The following TRPM3 variants were observed in gnomAD, a reference collection of about 807,000 sequenced individuals.
TRPM3 encodes transient receptor potential cation channel subfamily M member 3.
A neutral mutation model predicts 181.2 loss-of-function variants in TRPM3; 77 were observed. That is an observed-to-expected ratio of 0.42 (90% CI 0.35 to 0.51). The LOEUF is 0.51. TRPM3 is among the 20% of genes least tolerant of loss of function. TRPM3 has a pLI of 0.01. For missense variants in TRPM3, 1,759 were observed against 2,196.7 expected (o/e 0.80, Z 3.98); for synonymous variants, 745 against 796.4 (o/e 0.94, Z 1.09).
intron 1 of TRPM3, among the ~76,000 whole-genome samples, chr9:71,419,660 A>G (rs2093695820): frequency 6.6e-6 from 1 of 152,030 alleles, no homozygotes; most frequent in African/African-American, 2.4e-5. Flanking sequence ...AAGTTCTGAT[A>G]CAATAATGTG....
intron 1 of TRPM3, among the ~76,000 whole-genome samples, chr9:71,239,240 G>A (rs2081532007): frequency 6.6e-6 from 1 of 152,110 alleles, no homozygotes; most frequent in Non-Finnish European, 1.5e-5. Context: ...TACAATTTTT[G>A]CTGTGTTTTG....
chr9:70,876,670 G>T (rs562067967), intron 1 of TRPM3, among the ~76,000 whole-genome samples: 1 of 151,842 alleles, frequency 6.6e-6, no homozygotes, highest in Admixed American at 6.6e-5. Context: ...CTCATGTAGA[G>T]TTCTAATCTC....
chr9:70,925,968 T>C (rs899410462), intron 1 of TRPM3, among the ~76,000 whole-genome samples: 3 of 145,060 alleles, frequency 2.1e-5, no homozygotes, highest in Non-Finnish European at 3.0e-5. Context: ...CACTCATGAC[T>C]GGAGAAGAAA....
At chr9:71,205,259 T>G (rs998175486) in intron 1 of TRPM3, among the ~76,000 whole-genome samples, 1 of 151,256 alleles carries the variant, frequency 6.6e-6, no homozygotes, top group Non-Finnish European at 1.5e-5. Flanking sequence ...AAAAAAAAAT[T>G]AATCTCATTT....
At chr9:71,020,111 T>C (rs1590704586) in intron 1 of TRPM3, among the ~76,000 whole-genome samples, 1 of 151,820 alleles carries the variant, frequency 6.6e-6, no homozygotes, top group African/African-American at 2.4e-5. Context: ...ATTTCTATAA[T>C]CTTGGGAGAG....
At chr9:71,417,638 A>C (rs1368881421) in intron 1 of TRPM3, among the ~76,000 whole-genome samples, 1 of 152,064 alleles carries the variant, frequency 6.6e-6, no homozygotes, top group East Asian at 1.9e-4. Flanking sequence ...GAATTAATGG[A>C]AACATATCTG....
At chr9:71,107,199 C>T (rs2069841814) in intron 1 of TRPM3, among the ~76,000 whole-genome samples, 3 of 152,190 alleles carry the variant, frequency 2.0e-5, no homozygotes, top group South Asian at 4.1e-4. Flanking sequence ...GCCCACTCCA[C>T]CCACGACGTG....
chr9:70,648,939 G>A (rs2059263950), intron 9 of TRPM3, among the ~76,000 whole-genome samples: 1 of 152,114 alleles, frequency 6.6e-6, no homozygotes, highest in East Asian at 1.9e-4. Flanking sequence ...ACCTGGCACA[G>A]ATTTCATGAC....
At chr9:71,320,701 T>C (rs2089138284) in intron 1 of TRPM3, among the ~76,000 whole-genome samples, 1 of 152,138 alleles carries the variant, frequency 6.6e-6, no homozygotes, top group African/African-American at 2.4e-5. Context: ...AATTGCCACT[T>C]ATACATGGTG....
At chr9:71,067,805 T>C (rs2072533539) in intron 1 of TRPM3, among the ~76,000 whole-genome samples, 2 of 152,190 alleles carry the variant, frequency 1.3e-5, no homozygotes, top group African/African-American at 4.8e-5. Context: ...CTCGGAGATA[T>C]CAATGACCAC....
intron 1 of TRPM3, among the ~76,000 whole-genome samples, chr9:71,010,438 CA>C (rs2097723991): frequency 6.6e-6 from 1 of 151,886 alleles, no homozygotes; most frequent in South Asian, 2.1e-4. Context: ...CCAAATAATC[CA>C]TTTGAAAAAT....
chr9:71,351,477 T>C (rs1212512940), intron 1 of TRPM3, among the ~76,000 whole-genome samples: 1 of 152,240 alleles, frequency 6.6e-6, no homozygotes, highest in Non-Finnish European at 1.5e-5. Flanking sequence ...CGAAACTATA[T>C]ATATGATTAG....
intron 1 of TRPM3, among the ~76,000 whole-genome samples, chr9:71,282,971 G>A (rs2084968232): frequency 6.6e-6 from 1 of 152,108 alleles, no homozygotes; most frequent in Non-Finnish European, 1.5e-5. Context: ...CCTTTCTAGT[G>A]CTTCCCAAGG....
chr9:71,082,474 C>T (rs746430727), intron 1 of TRPM3, among the ~76,000 whole-genome samples: 2 of 152,136 alleles, frequency 1.3e-5, no homozygotes, highest in African/African-American at 2.4e-5. Context: ...TAAGTTAGAG[C>T]TGTGTTCTAA....
At chr9:71,241,260 T>C (rs573704641) in intron 1 of TRPM3, among the ~76,000 whole-genome samples, 13 of 152,232 alleles carry the variant, frequency 8.5e-5, no homozygotes, top group African/African-American at 1.4e-4. Flanking sequence ...TGGTAAAGAC[T>C]GGCAAAGCTG....
At chr9:71,377,239 GATC>G (rs1424896865) in intron 1 of TRPM3, among the ~76,000 whole-genome samples, 10 of 151,958 alleles carry the variant, frequency 6.6e-5, no homozygotes, top group African/African-American at 1.7e-4. Flanking sequence ...TTCGATAGCA[GATC>G]ATTATAATAA....
chr9:70,754,562 T>C (rs1253523768), intron 8 of TRPM3, among the ~76,000 whole-genome samples: 1 of 152,032 alleles, frequency 6.6e-6, no homozygotes, highest in Admixed American at 6.6e-5. Context: ...TAGCTTGAAA[T>C]TGCAGGCCCA....
chr9:70,977,160 A>G (rs1010764360), intron 1 of TRPM3, among the ~76,000 whole-genome samples: 31 of 151,918 alleles, frequency 2.0e-4, no homozygotes, highest in African/African-American at 7.5e-4. Flanking sequence ...TTTGAGATGG[A>G]GTCTTGCTCT....
intron 1 of TRPM3, among the ~76,000 whole-genome samples, chr9:71,427,818 A>G (rs980420886): frequency 5.9e-5 from 9 of 152,160 alleles, no homozygotes; most frequent in African/African-American, 2.2e-4. Flanking sequence ...TGCTCACTTC[A>G]CTATCTGGAT....
Sources: allele counts gnomAD v4.1 joint callset (sites outside exome capture counted in the v4.1 genomes callset), GRCh38; gene constraint gnomAD v4.1.1; transcripts MANE v1.5; gene names NCBI Gene and HGNC (gene_info 2026-07-23, HGNC 2026-07-21).